Variants in NME2 observed in about 807,000 individuals in gnomAD.
The protein encoded by NME2 is nucleoside diphosphate kinase B.
NME2 carries 18 observed loss-of-function variants against 17.8 expected under a neutral mutation model. The ratio of observed to expected loss-of-function variants is 1.01; its 90% confidence interval spans 0.70 to 1.50. The LOEUF is 1.50. NME2 is among the 40% of genes most tolerant of loss of function. The probability of loss-of-function intolerance (pLI) is 0.00; values close to 1 mark genes in which losing one functional copy is unlikely to be tolerated. For synonymous variants in NME2, 74 were observed against 71.4 expected, an observed-to-expected ratio of 1.04 and a Z score of -0.19; for missense variants, 161 against 195.6, an observed-to-expected ratio of 0.82 and a Z score of 1.05.
intron 2 of NME2, 121 bp from the exon 3 acceptor site, chr17:51,168,121 C>A: frequency 1.4e-6 from 1 of 733,384 alleles, no homozygotes; most frequent in Non-Finnish European, 2.3e-6. Context: ...ATATATATTT[C>A]CACACACCAC....
intron 4 of NME2, 121 bp downstream of exon 4, chr17:51,170,170 G>A: frequency 1.3e-6 from 1 of 773,482 alleles, no homozygotes; most frequent in Non-Finnish European, 1.9e-6. Flanking sequence ...TCTTGAGACG[G>A]AGTCTCCTTC....
chr17:51,170,428 C>G (rs1339188567), intron 4 of NME2, among the ~76,000 whole-genome samples: 1 of 151,982 alleles, frequency 6.6e-6, no homozygotes, highest in Non-Finnish European at 1.5e-5. Flanking sequence ...ACATGAGCCA[C>G]CGCACTTGGC....
intron 1 of NME2, 160 bp downstream of exon 1, chr17:51,166,657 T>G: frequency 1.8e-6 from 1 of 558,712 alleles, no homozygotes; most frequent in Non-Finnish European, 2.6e-6. Flanking sequence ...CCGCGGGCCT[T>G]CGGGCTCCGC....
chr17:51,170,112 G>T (rs999156670), intron 4 of NME2, 63 bp downstream of exon 4: 4 of 1,286,048 alleles, frequency 3.1e-6, no homozygotes, highest in Non-Finnish European at 4.3e-6. Flanking sequence ...AGACGTCATG[G>T]CGTATCCTAC....
At chr17:51,169,882 C>T in intron 3 of NME2, 55 bp from the exon 4 acceptor site, 2 of 1,513,656 alleles carry the variant, frequency 1.3e-6, no homozygotes, top group South Asian at 1.1e-5. Context: ...AAATGTTAGA[C>T]CCTACCTGTC....
chr17:51,166,553 C>T, intron 1 of NME2, 56 bp downstream of exon 1: 1 of 230,322 alleles, frequency 4.3e-6, no homozygotes, highest in Non-Finnish European at 8.3e-6. Context: ...CTTCCGCTTG[C>T]GCTGCCGCAG....
chr17:51,168,417 T>C, intron 3 of NME2, 74 bp downstream of exon 3: 7 of 1,483,640 alleles, frequency 4.7e-6, no homozygotes, highest in Non-Finnish European at 6.5e-6. Context: ...CTCCCTCAGC[T>C]AATCTAAATT....
chr17:51,169,224 C>G (rs1347019510), intron 3 of NME2, among the ~76,000 whole-genome samples: 1 of 151,856 alleles, frequency 6.6e-6, no homozygotes, highest in Non-Finnish European at 1.5e-5. Flanking sequence ...GGGTGCATTA[C>G]AAGGTCAGGA....
At chr17:51,168,119 T>A in intron 2 of NME2, 123 bp from the exon 3 acceptor site, 3 of 706,786 alleles carry the variant, frequency 4.2e-6, no homozygotes, top group Non-Finnish European at 2.4e-6. Context: ...ATATATATAT[T>A]TCCACACACC....
Position 51,171,703 on chromosome 17 carries a change from T to C in NME2, c.*99T>C, listed in dbSNP as rs777252522. ...TTAGAGGCAACAGGATTGATCATTC[T>C]TTTATAGAGCATATTTGCCAATAAA... On this transcript the variant is annotated 3_prime_UTR_variant, in exon 5 of 5. Transcript: ENST00000512737. The C allele has an allele frequency of 4.5e-6, 4 of 885,516 alleles. No homozygotes were observed. Among genetic ancestry groups the C allele is most frequent in the South Asian group, 3.2e-5 (2 of 63,220 alleles). The allele number at this position is 885,516 out of a possible 1,614,324, so 54.9% of individuals were successfully genotyped here.
chr17:51,166,922 A>G lies in NME2; in HGVS notation c.92A>G (p.Lys31Arg). 1 of 1,613,728 alleles carries G rather than the reference A, an allele frequency of 6.2e-7. No individual in the cohort carries two copies. The highest frequency in any genetic ancestry group is 8.5e-7 in the Non-Finnish European group (1 of 1,179,834). The part of the protein sequence containing the change: ...VGEIIKRFEQ[K>R]GFRLVAMKFL... ...GAGATCATCAAGCGCTTCGAGCAGA[A>G]GGGATTCCGCCTCGTGGCCATGAAG... Residue 31 changes from lysine to arginine, a missense_variant, in exon 2 of 5, where the codon AAG becomes AGG. Lys to Arg is a conservative substitution (Grantham distance 26, BLOSUM62 2). Transcript: ENST00000512737.
rs781566355 is a variant in NME2 at position 51,167,002 on chromosome 17, G to C, written c.126+46G>C. 2.5e-6 allele frequency: 4 copies of C among 1,609,778 alleles called. No homozygotes were observed. The South Asian group carries it at 4.4e-5, about 18-fold the overall frequency. On this transcript the variant is annotated intron_variant, in intron 2 of 4. Transcript: ENST00000512737. ...CTTCCCCGCTGCAGCCGGCTCGCGG[G>C]TGTTTTTCCCTCCCGGCGGCGGTTT...
chr17:51,167,437 G>T (rs1398391625), intron 2 of NME2: 1 of 183,850 alleles, frequency 5.4e-6, no homozygotes, highest in African/African-American at 2.4e-5. Context: ...CTACACTTAC[G>T]GGTAAGAATC....
chr17:51,168,085 A>G (rs896119286), intron 2 of NME2, 157 bp from the exon 3 acceptor site: 2 of 466,756 alleles, frequency 4.3e-6, no homozygotes, highest in East Asian at 3.5e-5. Context: ...AAAAATATTT[A>G]TGTGTGTGTA....
chr17:51,170,103 G>C, intron 4 of NME2, 54 bp downstream of exon 4: 1 of 1,342,520 alleles, frequency 7.4e-7, no homozygotes, highest in South Asian at 1.3e-5. Flanking sequence ...ATTTAAAGCA[G>C]ACGTCATGGC....
intron 1 of NME2, 77 bp downstream of exon 1, chr17:51,166,574 T>C: frequency 3.8e-6 from 1 of 260,386 alleles, no homozygotes; most frequent in Non-Finnish European, 7.1e-6. Flanking sequence ...GTGGGCCCGG[T>C]CTGTGGGCGC....
In NME2 at chr17:51,170,054, G is replaced by A; in HGVS notation, c.341+5G>A. On this transcript the variant is annotated splice_donor_5th_base_variant and intron_variant, in intron 4 of 4. Coordinates refer to ENST00000512737, the MANE Select transcript of NME2 (RefSeq NM_002512.4). ...CTTCTGCATTCAGGTTGGCAGGTAA[G>A]TCCGGGGACAGGAGGGTGGATGACT... The A allele has an allele frequency of 2.5e-6, 4 of 1,603,686 alleles. No individual in the cohort carries two copies. The highest frequency in any genetic ancestry group is 2.6e-6 in the Non-Finnish European group (3 of 1,175,406).
Position 51,170,050 on chromosome 17 carries a change from G to A in NME2, c.341+1G>A, listed in dbSNP as rs371153132. The stretch of plus-strand genomic sequence containing the variant: ...GGGACTTCTGCATTCAGGTTGGCAG[G>A]TAAGTCCGGGGACAGGAGGGTGGAT... On this transcript the variant is annotated splice_donor_variant, in intron 4 of 4. Coordinates refer to ENST00000512737, the MANE Select transcript of NME2 (RefSeq NM_002512.4). LOFTEE classifies it high-confidence loss of function. 6.2e-7 allele frequency: 1 copy of A among 1,606,152 alleles called. No homozygotes were observed. The highest frequency in any genetic ancestry group is 8.5e-7 in the Non-Finnish European group (1 of 1,176,570).
At chr17:51,167,708 C>T (rs1432983151) in intron 2 of NME2, among the ~76,000 whole-genome samples, 1 of 152,186 alleles carries the variant, frequency 6.6e-6, no homozygotes, top group Non-Finnish European at 1.5e-5. Context: ...ACAGTCTTGG[C>T]CAGGCGCGGG....
Sources: allele counts gnomAD v4.1 joint callset (sites outside exome capture counted in the v4.1 genomes callset), GRCh38; gene constraint gnomAD v4.1.1; transcripts MANE v1.5; gene names NCBI Gene and HGNC (gene_info 2026-07-23, HGNC 2026-07-21).